The following AHCYL1 variants were observed in gnomAD, a reference collection of about 807,000 sequenced individuals.
AHCYL1 encodes the protein S-adenosylhomocysteine hydrolase-like protein 1.
AHCYL1 carries 20 observed loss-of-function variants against 79.3 expected under a neutral mutation model. The observed-to-expected ratio is 0.25, with a 90% CI of 0.18 to 0.37. The LOEUF (loss-of-function observed/expected upper bound fraction) is 0.37, where lower values mean the gene tolerates loss of function less well. Among genes scored for constraint, AHCYL1 ranks in the 10% least tolerant of loss-of-function variants. The pLI is 1.00. For missense variants in AHCYL1, 330 were observed against 673.6 expected (o/e 0.49, Z 5.65); for synonymous variants, 223 against 242.2 (o/e 0.92, Z 0.74).
chr1:109,994,585 G>A (rs931731520), intron 1 of AHCYL1, among the ~76,000 whole-genome samples: 18 of 152,290 alleles, frequency 1.2e-4, no homozygotes, highest in Non-Finnish European at 1.5e-4. Context: ...CACTGCACCC[G>A]GCAAATTTTG....
chr1:110,019,250 A>ACTCCCTTTTGTTACCCT, intron 14 of AHCYL1, 131 bp downstream of exon 14: 1 of 971,640 alleles, frequency 1.0e-6, no homozygotes, highest in Admixed American at 2.3e-5. Context: ...TTGTGGAAAC[A>ACTCCCTTTTGTTACCCT]GGTATTCTTA....
chr1:110,002,037 C>T (rs776577495), intron 1 of AHCYL1, among the ~76,000 whole-genome samples: 20 of 152,060 alleles, frequency 1.3e-4, no homozygotes, highest in Non-Finnish European at 2.6e-4. Context: ...CTTTTGTATG[C>T]ATTATAGAAT....
chr1:109,997,685 G>A (rs756609598), intron 1 of AHCYL1, among the ~76,000 whole-genome samples: 4 of 152,248 alleles, frequency 2.6e-5, no homozygotes, highest in East Asian at 1.9e-4. Context: ...TGTGTAACGC[G>A]TACTGCAGAA....
chr1:110,020,907 G>C, intron 16 of AHCYL1, 56 bp downstream of exon 16: 1 of 1,564,036 alleles, frequency 6.4e-7, no homozygotes, highest in Non-Finnish European at 8.6e-7. Context: ...AACCAAGCAG[G>C]CTAGCCTGCT....
chr1:110,004,333 A>G, intron 1 of AHCYL1: 1 of 985,494 alleles, frequency 1.0e-6, no homozygotes, highest in Non-Finnish European at 1.2e-6. Context: ...GGGAGCAGCC[A>G]AAACCTGCTA....
At chr1:109,990,356 T>C (rs1391507516) in intron 1 of AHCYL1, among the ~76,000 whole-genome samples, 2 of 152,080 alleles carry the variant, frequency 1.3e-5, no homozygotes, top group Non-Finnish European at 2.9e-5. Flanking sequence ...GTACCTAGAG[T>C]GACCATATAT....
At chr1:110,009,482 A>G (rs1650882560) in intron 2 of AHCYL1, among the ~76,000 whole-genome samples, 1 of 152,252 alleles carries the variant, frequency 6.6e-6, no homozygotes, top group Non-Finnish European at 1.5e-5. Flanking sequence ...GACTTAAAAA[A>G]GAAGTGCATT....
intron 1 of AHCYL1, among the ~76,000 whole-genome samples, chr1:110,007,444 G>A (rs920940998): frequency 6.6e-6 from 1 of 152,122 alleles, no homozygotes; most frequent in Admixed American, 6.5e-5. Context: ...AGCAAAACTA[G>A]CTTTACTGAC....
intron 7 of AHCYL1, 61 bp downstream of exon 7, chr1:110,015,592 T>G: frequency 7.3e-7 from 1 of 1,366,710 alleles, no homozygotes. Flanking sequence ...TCCTGGTCTC[T>G]GTTAGGCTTT....
intron 1 of AHCYL1, among the ~76,000 whole-genome samples, chr1:109,989,985 A>C (rs1000882889): frequency 6.6e-6 from 1 of 152,214 alleles, no homozygotes; most frequent in African/African-American, 2.4e-5. Context: ...ATCAGTGCCT[A>C]TTGTGTAGTA....
intron 7 of AHCYL1, 143 bp from the exon 8 acceptor site, chr1:110,016,201 A>T (rs1253137252): frequency 8.5e-6 from 5 of 585,772 alleles, no homozygotes; most frequent in Non-Finnish European, 1.2e-5. Context: ...GGAAATAATC[A>T]TGTTTTCTAA....
chr1:110,000,627 A>G (rs1650259460), intron 1 of AHCYL1, among the ~76,000 whole-genome samples: 1 of 152,244 alleles, frequency 6.6e-6, no homozygotes. Flanking sequence ...ATAGTGCAAC[A>G]GTAGACCACT....
At chr1:110,000,915 GC>G in intron 1 of AHCYL1, 1 of 979,790 alleles carries the variant, frequency 1.0e-6, no homozygotes, top group Non-Finnish European at 1.2e-6. Flanking sequence ...TAAACTGTAA[GC>G]CACAGGTGTT....
chr1:109,985,659 G>A, intron 1 of AHCYL1: 1 of 588,172 alleles, frequency 1.7e-6, no homozygotes, highest in Non-Finnish European at 2.1e-6. Context: ...AGCTAGCTCT[G>A]ATATACAGGT....
intron 1 of AHCYL1, among the ~76,000 whole-genome samples, chr1:109,997,476 A>G (rs948140234): frequency 1.3e-5 from 2 of 152,224 alleles, no homozygotes; most frequent in Non-Finnish European, 2.9e-5. Flanking sequence ...TCTGAGACTC[A>G]TGCAGAAAAA....
rs560710230 is a variant in AHCYL1 at position 109,988,198 on chromosome 1, A to G, written c.120+3026A>G. ...CAGGCATGGGAAATAATACATGTCAATTCCTCAAGGGGACGACTTTTCCTG... is the reference window on the plus strand; with the variant it reads ...CAGGCATGGGAAATAATACATGTCAGTTCCTCAAGGGGACGACTTTTCCTG... On this transcript the variant is annotated intron_variant, in intron 1 of 16. Transcript: ENST00000369799. Among the ~76,000 whole-genome samples the G allele has an allele frequency of 3.2e-4, 49 of 152,202 alleles. 1 individual carries two copies. In the South Asian group the frequency reaches 6.8e-3, roughly 21 times the overall value.
intron 6 of AHCYL1, 77 bp downstream of exon 6, chr1:110,014,934 T>C: frequency 7.2e-7 from 1 of 1,382,828 alleles, no homozygotes; most frequent in Non-Finnish European, 1.0e-6. Context: ...GTTCCCTAAA[T>C]ATGTTTTGGA....
At chr1:110,021,308 T>A (rs905031002) in intron 16 of AHCYL1, among the ~76,000 whole-genome samples, 4 of 152,176 alleles carry the variant, frequency 2.6e-5, no homozygotes, top group African/African-American at 9.7e-5. Flanking sequence ...GTGGGAGATA[T>A]CAGGGAGTTA....
Position 110,023,015 on chromosome 1 carries a change from C to G in AHCYL1, c.*1335C>G, listed in dbSNP as rs1328420700. 1.3e-5 allele frequency: 2 copies of G among 152,566 alleles called. No homozygotes were observed. Among genetic ancestry groups the G allele is most frequent in the Admixed American group, 6.5e-5 (1 of 15,274 alleles). 9.5% of individuals were successfully genotyped at this position (152,566 alleles called of 1,614,324 possible). A position where few individuals can be genotyped will look rare whatever the true frequency, so the allele number is the denominator to read the frequency against. ...GGAGATGTATTCCCATGCCATGCACCCTGCTTCCCAGCATTTCTGCATGGT... is the reference window on the plus strand; with the variant it reads ...GGAGATGTATTCCCATGCCATGCACGCTGCTTCCCAGCATTTCTGCATGGT... On this transcript the variant is annotated 3_prime_UTR_variant, in exon 17 of 17. Coordinates refer to ENST00000369799, the MANE Select transcript of AHCYL1 (RefSeq NM_006621.7).
Sources: gnomAD v4.1 joint callset for allele counts (sites outside exome capture counted in the v4.1 genomes callset) on GRCh38, gnomAD v4.1.1 for gene constraint, MANE v1.5 for transcripts, NCBI Gene and HGNC (gene_info 2026-07-23, HGNC 2026-07-21) for gene names.